The following NUP210 variants were observed in gnomAD, a reference collection of about 807,000 sequenced individuals.
The protein encoded by NUP210 is nucleoporin 210, also known as nuclear pore membrane glycoprotein 210.
NUP210 carries 151 observed loss-of-function variants against 196.0 expected under a neutral mutation model. The ratio of observed to expected loss-of-function variants is 0.77; its 90% CI spans 0.67 to 0.88. The LOEUF (loss-of-function observed/expected upper bound fraction) is 0.88. NUP210 is among the 40% of genes least tolerant of loss of function. The probability of loss-of-function intolerance (pLI) is 0.00; values close to 1 mark genes in which losing one functional copy is unlikely to be tolerated. For synonymous variants in NUP210, 1,070 were observed against 1,052.7 expected (o/e 1.02, Z -0.32); for missense variants, 2,314 against 2,493.7 (o/e 0.93, Z 1.53).
At chr3:13,358,083 G>A in intron 16 of NUP210, 139 bp downstream of exon 16, 2 of 707,906 alleles carry the variant, frequency 2.8e-6, no homozygotes, top group Non-Finnish European at 4.6e-6. Context: ...CGTCCTCACA[G>A]GGCCAGTTGT....
At chr3:13,392,891 C>T (rs1003978201) in intron 3 of NUP210, among the ~76,000 whole-genome samples, 4 of 151,826 alleles carry the variant, frequency 2.6e-5, no homozygotes, top group African/African-American at 7.3e-5. Flanking sequence ...GCAGTATGCT[C>T]GGTGAGGGGA....
At chr3:13,405,634 A>G (rs778893116) in intron 1 of NUP210, among the ~76,000 whole-genome samples, 4 of 152,168 alleles carry the variant, frequency 2.6e-5, no homozygotes, top group African/African-American at 7.2e-5. Context: ...GGGAGGGTAT[A>G]AGAAATGAGA....
At chr3:13,382,011 T>C (rs567852376) in intron 6 of NUP210, among the ~76,000 whole-genome samples, 47 of 152,332 alleles carry the variant, frequency 3.1e-4, no homozygotes, top group African/African-American at 1.1e-3. Context: ...GCAGCCACAG[T>C]TAAGTGCCTG....
At chr3:13,341,713 C>A in intron 23 of NUP210, 35 bp downstream of exon 23, 1 of 1,612,072 alleles carries the variant, frequency 6.2e-7, no homozygotes, top group Non-Finnish European at 8.5e-7. Flanking sequence ...CAGCACTGGG[C>A]TGATCCCACA....
At chr3:13,327,155 C>G in intron 32 of NUP210, 62 bp downstream of exon 32, 1 of 1,392,270 alleles carries the variant, frequency 7.2e-7, no homozygotes, top group Middle Eastern at 1.8e-4. Flanking sequence ...CCCAGGTAGC[C>G]CCCACCCAGC....
At chr3:13,400,116 C>T (rs1247414314) in intron 1 of NUP210, among the ~76,000 whole-genome samples, 2 of 152,130 alleles carry the variant, frequency 1.3e-5, no homozygotes, top group Admixed American at 6.5e-5. Flanking sequence ...AAACAGGAGA[C>T]CTCACACCTG....
At chr3:13,416,880 C>A (rs1700365979) in intron 1 of NUP210, among the ~76,000 whole-genome samples, 1 of 152,164 alleles carries the variant, frequency 6.6e-6, no homozygotes, top group South Asian at 2.1e-4. Flanking sequence ...CGAAAAGAAA[C>A]CAAAATGCTG....
At chr3:13,412,231 CTT>C (rs71066953) in intron 1 of NUP210, among the ~76,000 whole-genome samples, 7 of 104,768 alleles carry the variant, frequency 6.7e-5, no homozygotes, top group South Asian at 2.8e-4. Flanking sequence ...TTTTCCTTTT[CTT>C]TTTTTTTTTT....
intron 3 of NUP210, among the ~76,000 whole-genome samples, chr3:13,396,186 C>T (rs544772957): frequency 2.0e-5 from 3 of 152,258 alleles, no homozygotes; most frequent in East Asian, 1.9e-4. Context: ...ACATCTAGTA[C>T]GTAGAGGCCT....
chr3:13,351,669 T>G (rs891742500), intron 20 of NUP210: 1 of 514,668 alleles, frequency 1.9e-6, no homozygotes, highest in Non-Finnish European at 3.4e-6. Flanking sequence ...GATTTTTCTT[T>G]TTTTTTTTGT....
intron 1 of NUP210, among the ~76,000 whole-genome samples, chr3:13,412,865 G>A (rs551668216): frequency 7.9e-5 from 12 of 151,904 alleles, no homozygotes; most frequent in African/African-American, 2.9e-4. Flanking sequence ...CAGCTACTTA[G>A]GAGGCTGAGG....
In NUP210 at chr3:13,386,292, C is replaced by A. The variant is rs1322975412; in HGVS notation, c.800G>T (p.Arg267Met). The change falls in exon 6 of 40, where the codon AGG becomes ATG. Residue 267 changes from arginine to methionine, a missense_variant. Physicochemically the swap from Arg to Met is moderately conservative, Grantham distance 91 (BLOSUM62 -1). Coordinates refer to ENST00000254508, the MANE Select transcript of NUP210 (RefSeq NM_024923.4). Reference sequence around the variant, plus strand: ...TGACACACCTGTAATTTTCCCTTGCCTGATCTTCTGCACCTTGTAGTGAAT... The same window carrying A: ...TGACACACCTGTAATTTTCCCTTGCATGATCTTCTGCACCTTGTAGTGAAT... ...TSIHYKVQKI[R>M]QGKITELSMP... 3 of 1,613,518 alleles carry A rather than the reference C, an allele frequency of 1.9e-6. No homozygotes were observed. The highest frequency in any genetic ancestry group is 2.5e-6 in the Non-Finnish European group (3 of 1,179,726).
chr3:13,326,968 G>C (rs1257754046), intron 32 of NUP210, among the ~76,000 whole-genome samples: 8 of 152,268 alleles, frequency 5.3e-5, no homozygotes, highest in African/African-American at 1.7e-4. Flanking sequence ...GGCAGTGGTA[G>C]GGTGACAACA....
intron 3 of NUP210, among the ~76,000 whole-genome samples, chr3:13,393,396 C>A (rs140817347): frequency 6.6e-6 from 1 of 152,314 alleles, no homozygotes; most frequent in East Asian, 1.9e-4. Context: ...AAGTCCACCA[C>A]GTTCAAATGT....
At position 13,323,794 on chromosome 3, in the gene NUP210, T is replaced by C. The variant is rs79941286; in HGVS notation, c.4645-362A>G. On this transcript the variant is annotated intron_variant, in intron 33 of 39. Coordinates refer to ENST00000254508, the MANE Select transcript of NUP210 (RefSeq NM_024923.4). This position sits in a 1 kb window ranked among gnomAD's most constrained non-coding sequence, Gnocchi z 4.3. ...GCACCACACCCCACCCAGAATCCAG[T>C]CTGCCCAGATTTTCCCAGCTGTTCC... 9.9e-3 allele frequency among the ~76,000 whole-genome samples: 1,503 copies of C among 152,230 alleles called. 28 individuals are homozygous for C. Among genetic ancestry groups the C allele is most frequent in the African/African-American group, 0.034 (1,428 of 41,522 alleles).
chr3:13,339,659 G>C (rs1002947041), intron 25 of NUP210, among the ~76,000 whole-genome samples, 195 bp downstream of exon 25: 1 of 152,248 alleles, frequency 6.6e-6, no homozygotes, highest in Non-Finnish European at 1.5e-5. Flanking sequence ...GCTTGGAGAA[G>C]AACAACCAAT....
intron 33 of NUP210, among the ~76,000 whole-genome samples, chr3:13,325,017 G>A (rs1329022579): frequency 6.6e-6 from 1 of 152,206 alleles, no homozygotes; most frequent in African/African-American, 2.4e-5. Context: ...ATTTGACCTA[G>A]ACCGTCTAGC....
chr3:13,338,941 T>G (rs1204852073), intron 25 of NUP210, among the ~76,000 whole-genome samples: 1 of 152,006 alleles, frequency 6.6e-6, no homozygotes, highest in Non-Finnish European at 1.5e-5. Context: ...GCCCTTTACC[T>G]ACGCCCTCAG....
At chr3:13,329,028 A>G in intron 30 of NUP210, 82 bp from the exon 31 acceptor site, 1 of 1,238,468 alleles carries the variant, frequency 8.1e-7, no homozygotes, top group Non-Finnish European at 1.1e-6. Context: ...AGGAGGGGAC[A>G]CCTGCCCCCA....
Sources: gnomAD v4.1 joint callset for allele counts (sites outside exome capture counted in the v4.1 genomes callset) on GRCh38, gnomAD v4.1.1 for gene constraint, Gnocchi (gnomAD v3.1) non-coding constraint, MANE v1.5 for transcripts, NCBI Gene and HGNC (gene_info 2026-07-23, HGNC 2026-07-21) for gene names.